The following DNAAF8 variants were observed in gnomAD, a reference collection of about 807,000 sequenced individuals.
DNAAF8 encodes the protein dynein axonemal-associated protein 1.
A neutral mutation model predicts 54.6 loss-of-function variants in DNAAF8; 61 were observed. The ratio of observed to expected loss-of-function variants is 1.12; its 90% CI spans 0.91 to 1.38. The LOEUF (loss-of-function observed/expected upper bound fraction) is 1.38, where lower values mean the gene tolerates loss of function less well. DNAAF8 is among the 40% of genes most tolerant of loss of function. DNAAF8 has a pLI of 0.00. For missense variants in DNAAF8, 837 were observed against 665.0 expected, an observed-to-expected ratio of 1.26 and a Z score of -2.85; for synonymous variants, 320 against 270.1, an observed-to-expected ratio of 1.18 and a Z score of -1.81.
At chr16:4,742,503 T>A (rs923339079) in intron 4 of DNAAF8, among the ~76,000 whole-genome samples, 1 of 147,714 alleles carries the variant, frequency 6.8e-6, no homozygotes, top group African/African-American at 2.5e-5. Context: ...AGGTGTTTGT[T>A]CGAGACCAGC....
intron 3 of DNAAF8, 189 bp downstream of exon 3, chr16:4,738,135 C>A: frequency 1.4e-6 from 1 of 716,804 alleles, no homozygotes; most frequent in Non-Finnish European, 2.2e-6. Flanking sequence ...TCCTGGGGAG[C>A]CCGGCACCTT....
intron 4 of DNAAF8, among the ~76,000 whole-genome samples, chr16:4,740,955 C>T (rs1043727354): frequency 2.6e-5 from 4 of 151,598 alleles, no homozygotes; most frequent in African/African-American, 7.3e-5. Context: ...GAGGCCGAGG[C>T]GGGAGCCCCG....
chr16:4,747,012 TC>T lies in DNAAF8; in HGVS notation c.1270del (p.Leu424TrpfsTer56). On this transcript the variant is annotated frameshift_variant, in exon 8 of 10. Transcript: ENST00000299320. LOFTEE classifies it high-confidence loss of function. ...LGDAEGASPS[S>X]LGLRTCTGKS... ...AGACGCAGAGGGGGCATCTCCTTCC[TC>T]CCTGGGGCTACGGTAACCACCCAGG... is the stretch of plus-strand genomic sequence containing the variant. The T allele has an allele frequency of 1.3e-6, 2 of 1,532,026 alleles. No individual in the cohort carries two copies. Among genetic ancestry groups the T allele is most frequent in the Non-Finnish European group, 1.7e-6 (2 of 1,143,814 alleles). The allele number at this position is 1,532,026 out of a possible 1,614,324, so 94.9% of individuals were successfully genotyped here. A position where few individuals can be genotyped will look rare whatever the true frequency, so the allele number is the denominator to read the frequency against.
intron 4 of DNAAF8, 128 bp downstream of exon 4, chr16:4,740,787 A>G (rs1180330391): frequency 8.3e-7 from 1 of 1,202,106 alleles, no homozygotes. Flanking sequence ...ATTATCCACC[A>G]TTCTGTGTAC....
At chr16:4,736,700 G>C in intron 2 of DNAAF8, 57 bp downstream of exon 2, 3 of 1,443,124 alleles carry the variant, frequency 2.1e-6, no homozygotes, top group African/African-American at 1.4e-5. Flanking sequence ...CAGGCATGAC[G>C]CTGGCCAGGA....
chr16:4,746,972 G>C lies in DNAAF8; in HGVS notation c.1227G>C (p.Glu409Asp). 6.4e-7 allele frequency: 1 copy of C among 1,555,082 alleles called. No individual in the cohort carries two copies. The highest frequency in any genetic ancestry group is 8.7e-7 in the Non-Finnish European group (1 of 1,154,740). The change falls in exon 8 of 10, where the codon GAG becomes GAC. Residue 409 changes from glutamate to aspartate, a missense_variant. Transcript: ENST00000299320. ...SSDSEEEEEE[E>D]MAALGDAEGA... The stretch of plus-strand genomic sequence containing the variant: ...ACAGTGAGGAGGAGGAGGAGGAAGA[G>C]ATGGCAGCTCTGGGAGACGCAGAGG...
intron 5 of DNAAF8, 43 bp from the exon 6 acceptor site, chr16:4,744,827 G>C: frequency 6.3e-7 from 1 of 1,587,630 alleles, no homozygotes; most frequent in Non-Finnish European, 8.6e-7. Context: ...GTCACAAGTG[G>C]GCCAAGTCCC....
Position 4,746,484 on chromosome 16 carries a change from G to C in DNAAF8, c.1153G>C (p.Glu385Gln), listed in dbSNP as rs201879546. The change falls in exon 7 of 10, where the codon GAG becomes CAG. Residue 385 changes from glutamate to glutamine, a missense_variant. Glu to Gln is a conservative substitution (Grantham distance 29). Transcript: ENST00000299320. ...PTIFIDLRQM[E>Q]LPDHLSPESS... ...CATCTTTATTGACCTGCGGCAGATGGAGCTACCAGACCACCTGTCCCCAGA... is the reference window on the plus strand; with the variant it reads ...CATCTTTATTGACCTGCGGCAGATGCAGCTACCAGACCACCTGTCCCCAGA... 39 of 1,613,750 alleles carry C rather than the reference G, an allele frequency of 2.4e-5. No homozygotes were observed. The East Asian group carries it at 8.5e-4, about 35-fold the overall frequency.
At chr16:4,744,228 G>C (rs2081984848) in intron 5 of DNAAF8, among the ~76,000 whole-genome samples, 1 of 152,184 alleles carries the variant, frequency 6.6e-6, no homozygotes, top group Non-Finnish European at 1.5e-5. Flanking sequence ...ACCGCGCTTG[G>C]CCGAATGTAT....
At chr16:4,746,542 G>A (rs749047341) in intron 7 of DNAAF8, 30 bp downstream of exon 7, 5 of 1,601,452 alleles carry the variant, frequency 3.1e-6, no homozygotes, top group Admixed American at 3.5e-5. Flanking sequence ...CCCCATACCA[G>A]CCTCTACTTT....
At position 4,740,416 on chromosome 16, in the gene DNAAF8, C is replaced by A. The variant is rs747618093; in HGVS notation, c.540C>A (p.Asp180Glu). 4 of 1,614,022 alleles carry A rather than the reference C, an allele frequency of 2.5e-6. No individual in the cohort carries two copies. The highest frequency in any genetic ancestry group is 8.5e-7 in the Non-Finnish European group (1 of 1,180,002). The change falls in exon 4 of 10, where the codon GAC becomes GAA. Residue 180 changes from aspartate to glutamate, a missense_variant. Transcript: ENST00000299320. Reference sequence around the variant, plus strand: ...CCACTCTCTCCTGCCATGAAGGAGACCCAAAGGCAGAGCCCCTCAGCACTG... The same window carrying A: ...CCACTCTCTCCTGCCATGAAGGAGAACCAAAGGCAGAGCCCCTCAGCACTG... Reference protein sequence around the residue: ...AEATLSCHEGDPKAEPLSTAS... With the variant: ...AEATLSCHEGEPKAEPLSTAS...
intron 4 of DNAAF8, 138 bp from the exon 5 acceptor site, chr16:4,742,903 ACT>A (rs2081972505): frequency 2.7e-6 from 2 of 742,832 alleles, no homozygotes; most frequent in Admixed American, 5.0e-5. Flanking sequence ...CTATTTGCAA[ACT>A]CTGTCATGCA....
intron 4 of DNAAF8, among the ~76,000 whole-genome samples, chr16:4,741,245 A>G (rs188406869): frequency 9.5e-4 from 110 of 115,204 alleles, no homozygotes; most frequent in African/African-American, 3.0e-3. Context: ...AAAAAAAAAA[A>G]AAAGAAAGAA....
intron 7 of DNAAF8, 100 bp from the exon 8 acceptor site, chr16:4,746,827 G>A (rs1834969298): frequency 8.7e-7 from 1 of 1,147,424 alleles, no homozygotes; most frequent in African/African-American, 1.6e-5. Context: ...CTGACCTCTT[G>A]CATTGGGTCA....
intron 4 of DNAAF8, 78 bp from the exon 5 acceptor site, chr16:4,742,965 C>G (rs2081972818): frequency 3.4e-6 from 4 of 1,163,168 alleles, no homozygotes; most frequent in Non-Finnish European, 5.1e-6. Context: ...CTCCATGGGT[C>G]ACAGCAGCTG....
At position 4,749,307 on chromosome 16, in the gene DNAAF8, T is replaced by C. The variant is rs1485248790; in HGVS notation, c.*592T>C. 1 of 154,440 alleles carries C rather than the reference T, an allele frequency of 6.5e-6. No individual in the cohort carries two copies. Among genetic ancestry groups the C allele is most frequent in the Middle Eastern group, 5.1e-4 (1 of 1,948 alleles). 9.6% of individuals were successfully genotyped at this position (154,440 alleles called of 1,614,324 possible). A position where few individuals can be genotyped will look rare whatever the true frequency, so the allele number is the denominator to read the frequency against. ...AAGGCTTTTTTTTTCTTCAACCCCA[T>C]TTTCTTCCATTTCTCCCACCTTTTT... On this transcript the variant is annotated 3_prime_UTR_variant, in exon 10 of 10. Coordinates refer to ENST00000299320, the MANE Select transcript of DNAAF8 (RefSeq NM_139170.3).
chr16:4,740,553 A>G lies in DNAAF8; in HGVS notation c.677A>G (p.Asp226Gly). The change falls in exon 4 of 10, where the codon GAC (aspartate) becomes GGC (glycine). Residue 226 changes from aspartate to glycine, a missense_variant. By Grantham distance (94) the Asp-to-Gly change is moderately conservative (BLOSUM62 -1). Transcript: ENST00000299320. ...TRDACGPTSS[D>G]KGGVKEAPCH... ...GATGCCTGCGGCCCGACCAGCAGTG[A>G]CAAAGGTGGGGTGAAGGAGGCGCCC... is the stretch of plus-strand genomic sequence containing the variant. The G allele has an allele frequency of 1.2e-6, 2 of 1,613,992 alleles. No homozygotes were observed. Among genetic ancestry groups the G allele is most frequent in the African/African-American group, 2.7e-5 (2 of 75,038 alleles).
At position 4,739,548 on chromosome 16, in the gene DNAAF8, CT is replaced by C. The variant is rs869183831; in HGVS notation, c.277-587del. 4.0e-3 allele frequency among the ~76,000 whole-genome samples: 535 copies of C among 134,974 alleles called. 5 individuals carry two copies. The South Asian group carries it at 0.044, about 11-fold the overall frequency. 88.5% of individuals were successfully genotyped at this position (134,974 alleles called of 152,430 possible). ...CCCATATTCAACAGTAGCTTTCCAA[CT>C]TTTTTTTTTTTTTTTTTGGGACAGG... On this transcript the variant is annotated intron_variant, in intron 3 of 9. Transcript: ENST00000299320.
At chr16:4,745,964 A>AAAG (rs984454107) in intron 6 of DNAAF8, among the ~76,000 whole-genome samples, 1 of 151,814 alleles carries the variant, frequency 6.6e-6, no homozygotes, top group Non-Finnish European at 1.5e-5. Context: ...AAAAAAAAAA[A>AAAG]AAAAAGAAAA....
Sources: allele counts gnomAD v4.1 joint callset (sites outside exome capture counted in the v4.1 genomes callset), GRCh38; gene constraint gnomAD v4.1.1; transcripts MANE v1.5; gene names NCBI Gene and HGNC (gene_info 2026-07-23, HGNC 2026-07-21).